CNTN5: variants seen among roughly 807,000 people sequenced by gnomAD.
The protein encoded by CNTN5 is contactin-5.
A neutral mutation model predicts 129.1 loss-of-function variants in CNTN5; 77 were observed. That is an observed-to-expected ratio of 0.60 (90% CI 0.50 to 0.72). The LOEUF (loss-of-function observed/expected upper bound fraction) is 0.72. CNTN5 is among the 30% of genes least tolerant of loss of function. The pLI is 0.00. For missense variants in CNTN5, 1,478 were observed against 1,328.8 expected (o/e 1.11, Z -1.75); for synonymous variants, 509 against 465.6 (o/e 1.09, Z -1.20).
In CNTN5 at chr11:100,018,661, T is replaced by C. The variant is rs774776710; in HGVS notation, c.980+16525T>C. Among the ~76,000 whole-genome samples the C allele has an allele frequency of 5.9e-5, 9 of 152,080 alleles. No individual in the cohort carries two copies. In the East Asian group the frequency reaches 9.6e-4, roughly 16 times the overall value. On this transcript the variant is annotated intron_variant, in intron 9 of 24. Coordinates refer to ENST00000524871, the MANE Select transcript of CNTN5 (RefSeq NM_014361.4). ...AGAAGTCTTTATATGCACATAAGCA[T>C]TGAAAGTTTTTCTTAGATAAATACT...
rs559289024 is a variant in CNTN5, at chr11:100,038,074, A to G, written c.981-23138A>G. Reference sequence around the variant, plus strand: ...ATTGTGATGTTAGGGTGTCAATTTTAGATCTTTCCTGCTTTCTTTTGTGGG... The same window carrying G: ...ATTGTGATGTTAGGGTGTCAATTTTGGATCTTTCCTGCTTTCTTTTGTGGG... On this transcript the variant is annotated intron_variant, in intron 9 of 24. Transcript: ENST00000524871. Among the ~76,000 whole-genome samples, 1,489 of 151,982 alleles carry G rather than the reference A, an allele frequency of 9.8e-3. 25 individuals carry two copies. Among genetic ancestry groups the G allele is most frequent in the African/African-American group, 0.031 (1,285 of 41,424 alleles).
At chr11:99,158,640 A>G (rs1197159604) in intron 1 of CNTN5, among the ~76,000 whole-genome samples, 1 of 152,164 alleles carries the variant, frequency 6.6e-6, no homozygotes, top group Non-Finnish European at 1.5e-5. Context: ...GTTCTAATGA[A>G]CACATCATTG....
intron 1 of CNTN5, among the ~76,000 whole-genome samples, chr11:99,292,492 A>G (rs61893131): frequency 0.097 from 14,769 of 152,014 alleles, 1,533 homozygotes; most frequent in East Asian, 0.45. Context: ...TCTGGCTAGG[A>G]CTTCCAGTAC....
intron 3 of CNTN5, among the ~76,000 whole-genome samples, chr11:99,574,047 A>C (rs928946119): frequency 2.0e-5 from 3 of 151,384 alleles, no homozygotes; most frequent in Non-Finnish European, 2.9e-5. Flanking sequence ...TAATGCTATC[A>C]CTCCCTATAC....
intron 17 of CNTN5, among the ~76,000 whole-genome samples, chr11:100,258,848 A>G (rs1950134421): frequency 6.6e-6 from 1 of 152,206 alleles, no homozygotes; most frequent in Non-Finnish European, 1.5e-5. Context: ...AACATACCAA[A>G]TTGTAAAGAC....
At chr11:99,406,381 T>C (rs1285783015) in intron 2 of CNTN5, among the ~76,000 whole-genome samples, 1 of 136,338 alleles carries the variant, frequency 7.3e-6, no homozygotes, top group African/African-American at 2.9e-5. Context: ...TCTTTTCCCA[T>C]ACTTTGTCCC....
intron 8 of CNTN5, among the ~76,000 whole-genome samples, chr11:99,990,502 A>T (rs1196991346): frequency 6.6e-6 from 1 of 151,062 alleles, no homozygotes; most frequent in Non-Finnish European, 1.5e-5. Flanking sequence ...TAGTGATGAA[A>T]AACATTTTCT....
intron 16 of CNTN5, among the ~76,000 whole-genome samples, chr11:100,233,387 C>T (rs1949536054): frequency 6.6e-6 from 1 of 152,140 alleles, no homozygotes; most frequent in Admixed American, 6.5e-5. Context: ...GATATACTCA[C>T]CGCAACTTAA....
chr11:99,557,167 A>G (rs1948700244), intron 3 of CNTN5, among the ~76,000 whole-genome samples: 2 of 151,216 alleles, frequency 1.3e-5, no homozygotes, highest in South Asian at 4.2e-4. Context: ...TAATTATACT[A>G]AATATATTTT....
intron 15 of CNTN5, among the ~76,000 whole-genome samples, chr11:100,197,856 C>T (rs1440626375): frequency 6.6e-6 from 1 of 151,904 alleles, no homozygotes. Flanking sequence ...TCATTGTGAA[C>T]TTGATAAATT....
chr11:100,124,766 T>C (rs1025387350), intron 13 of CNTN5, among the ~76,000 whole-genome samples: 7 of 152,062 alleles, frequency 4.6e-5, no homozygotes, highest in South Asian at 2.1e-4. Context: ...GAGAAACTCA[T>C]GTTTATAAGG....
At chr11:100,005,887 G>A (rs567992136) in intron 9 of CNTN5, among the ~76,000 whole-genome samples, 12 of 152,170 alleles carry the variant, frequency 7.9e-5, no homozygotes, top group East Asian at 3.9e-4. Context: ...CAGCCTTAGC[G>A]GAGTAATTCA....
At chr11:99,970,638 A>G (rs557567512) in intron 8 of CNTN5, among the ~76,000 whole-genome samples, 6 of 152,328 alleles carry the variant, frequency 3.9e-5, no homozygotes, top group South Asian at 2.1e-4. Context: ...TACTTATCCT[A>G]TAATTCCCAC....
At chr11:100,297,541 C>A in intron 18 of CNTN5, 84 bp from the exon 19 acceptor site, 1 of 1,026,032 alleles carries the variant, frequency 9.7e-7, no homozygotes, top group Non-Finnish European at 1.5e-6. Context: ...TGACTTCAAA[C>A]AAACTTCTGA....
intron 3 of CNTN5, among the ~76,000 whole-genome samples, chr11:99,675,388 G>T (rs1444495953): frequency 6.6e-6 from 1 of 152,044 alleles, no homozygotes; most frequent in Non-Finnish European, 1.5e-5. Flanking sequence ...TGGTAAAAGA[G>T]TAAAAAAATG....
chr11:99,121,432 C>A (rs1403129774), intron 1 of CNTN5, among the ~76,000 whole-genome samples: 2 of 152,132 alleles, frequency 1.3e-5, no homozygotes, highest in African/African-American at 4.8e-5. Flanking sequence ...CACACCCAAC[C>A]GGTTTTAGCT....
At chr11:99,254,601 T>G (rs1317447770) in intron 1 of CNTN5, among the ~76,000 whole-genome samples, 1 of 152,020 alleles carries the variant, frequency 6.6e-6, no homozygotes, top group Non-Finnish European at 1.5e-5. Context: ...GATTCCTTAT[T>G]ACTGAAGTTG....
intron 19 of CNTN5, among the ~76,000 whole-genome samples, chr11:100,298,271 T>C (rs1355801766): frequency 2.0e-5 from 3 of 151,480 alleles, no homozygotes; most frequent in Non-Finnish European, 3.0e-5. Context: ...AATTATTCCA[T>C]GAGCACATAA....
chr11:99,625,900 T>TTATA (rs140396628), intron 3 of CNTN5, among the ~76,000 whole-genome samples: 25 of 146,398 alleles, frequency 1.7e-4, no homozygotes, highest in Admixed American at 3.4e-4. Flanking sequence ...AAGGGCAAGA[T>TTATA]TATATATATA....
Sources: allele counts gnomAD v4.1 joint callset (sites outside exome capture counted in the v4.1 genomes callset), GRCh38; gene constraint gnomAD v4.1.1; transcripts MANE v1.5; gene names NCBI Gene and HGNC (gene_info 2026-07-23, HGNC 2026-07-21).